The following CLYBL variants were observed in gnomAD, a reference collection of about 807,000 sequenced individuals.
CLYBL encodes citramalyl-CoA lyase, mitochondrial.
A neutral mutation model predicts 38.9 loss-of-function variants in CLYBL; 31 were observed. The ratio of observed to expected loss-of-function variants is 0.80; its 90% confidence interval spans 0.60 to 1.08. The LOEUF (loss-of-function observed/expected upper bound fraction) is 1.08, where lower values mean the gene tolerates loss of function less well. CLYBL is among the 50% of genes least tolerant of loss of function. The probability of loss-of-function intolerance (pLI) is 0.00; values close to 1 mark genes in which losing one functional copy is unlikely to be tolerated. For missense variants in CLYBL, 434 were observed against 411.6 expected (o/e 1.05, Z -0.47); for synonymous variants, 171 against 158.6 (o/e 1.08, Z -0.59).
At chr13:99,607,577 TCTC>T (rs2046547573) in intron 1 of CLYBL, among the ~76,000 whole-genome samples, 1 of 152,072 alleles carries the variant, frequency 6.6e-6, no homozygotes, top group South Asian at 2.1e-4. Context: ...ACATACATGG[TCTC>T]ATTTGGTTCC....
intron 2 of CLYBL, among the ~76,000 whole-genome samples, chr13:99,815,590 A>G (rs2050428887): frequency 6.6e-6 from 1 of 152,164 alleles, no homozygotes; most frequent in Non-Finnish European, 1.5e-5. Context: ...GTCTCTAAAA[A>G]TAAATAAAAA....
At position 99,821,949 on chromosome 13, in the gene CLYBL, C is replaced by A. The variant is rs184298238; in HGVS notation, c.250-36912C>A. The stretch of plus-strand genomic sequence containing the variant: ...TCTGGACTAGGCCACATGGCTTGGC[C>A]AGTGGAACACATGCAGGCTTGCACG... On this transcript the variant is annotated intron_variant, in intron 2 of 8. Coordinates refer to ENST00000339105, the MANE Select transcript of CLYBL (RefSeq NM_206808.5). Among the ~76,000 whole-genome samples, 58 of 152,324 alleles carry A rather than the reference C, an allele frequency of 3.8e-4. No homozygotes were observed. The East Asian group carries it at 0.011, about 28-fold the overall frequency.
At chr13:99,861,724 C>G (rs982099355) in intron 3 of CLYBL, among the ~76,000 whole-genome samples, 3 of 151,930 alleles carry the variant, frequency 2.0e-5, no homozygotes, top group African/African-American at 7.3e-5. Flanking sequence ...TTTATTTTAG[C>G]CTAATTGTAA....
intron 2 of CLYBL, among the ~76,000 whole-genome samples, chr13:99,800,907 C>A (rs150237300): frequency 0.18 from 25,483 of 138,406 alleles, 3,242 homozygotes; most frequent in East Asian, 0.38. Context: ...AAAAAAAAAA[C>A]AAAAAAAAAA....
intron 2 of CLYBL, among the ~76,000 whole-genome samples, chr13:99,804,478 T>C (rs79499162): frequency 5.9e-5 from 9 of 152,328 alleles, no homozygotes; most frequent in East Asian, 1.9e-4. Context: ...TGTTTTTTTT[T>C]CCATGCTCCC....
intron 7 of CLYBL, among the ~76,000 whole-genome samples, chr13:99,886,764 G>T (rs1367347532): frequency 1.3e-5 from 2 of 152,246 alleles, no homozygotes; most frequent in African/African-American, 4.8e-5. Context: ...CAGGCCCTCA[G>T]ATCGTCCCTG....
intron 1 of CLYBL, among the ~76,000 whole-genome samples, chr13:99,732,831 G>T (rs570212926): frequency 6.6e-6 from 1 of 152,120 alleles, no homozygotes; most frequent in Non-Finnish European, 1.5e-5. Flanking sequence ...AAATACATCC[G>T]CTTTCTTTGA....
At chr13:99,842,029 G>C (rs982831070) in intron 2 of CLYBL, among the ~76,000 whole-genome samples, 1 of 151,854 alleles carries the variant, frequency 6.6e-6, no homozygotes, top group Admixed American at 6.6e-5. Context: ...TGTTGACCAG[G>C]CTGGTCTCCA....
intron 1 of CLYBL, among the ~76,000 whole-genome samples, chr13:99,699,698 A>T (rs553555742): frequency 1.4e-5 from 2 of 141,588 alleles, no homozygotes; most frequent in African/African-American, 2.6e-5. Flanking sequence ...GTCTCAAAAA[A>T]AAAAATAAAA....
chr13:99,783,024 G>T (rs2049692782), intron 2 of CLYBL, among the ~76,000 whole-genome samples: 1 of 151,404 alleles, frequency 6.6e-6, no homozygotes, highest in Non-Finnish European at 1.5e-5. Flanking sequence ...ATCCTCTGAG[G>T]TTTTTTGTTT....
Position 99,909,424 on chromosome 13 carries a change from A to G in CLYBL, c.*1530A>G, listed in dbSNP as rs147317743. 5.8e-4 allele frequency among the ~76,000 whole-genome samples: 88 copies of G among 152,312 alleles called. No homozygotes were observed. In the East Asian group the frequency reaches 0.015, roughly 26 times the overall value. ...AATGTAAAATACATGAAACAAATAA[A>G]TATTTCCTGTGTCCTCTGAACTTTA... On this transcript the variant is annotated 3_prime_UTR_variant and NMD_transcript_variant, in exon 10 of 10. Transcript: ENST00000689673.
chr13:99,641,648 C>CAAAAA (rs35893746), intron 1 of CLYBL, among the ~76,000 whole-genome samples: 1 of 143,766 alleles, frequency 7.0e-6, no homozygotes, highest in Non-Finnish European at 1.5e-5. Flanking sequence ...ACTAAAAATA[C>CAAAAA]AAAAAAAAAA....
chr13:99,876,744 A>G (rs948109511), intron 7 of CLYBL, among the ~76,000 whole-genome samples: 5 of 152,172 alleles, frequency 3.3e-5, no homozygotes, highest in African/African-American at 1.2e-4. Context: ...AGCAGAATTC[A>G]GGGCTTAGTT....
intron 1 of CLYBL, among the ~76,000 whole-genome samples, chr13:99,755,589 G>A (rs2049047992): frequency 6.6e-6 from 1 of 152,208 alleles, no homozygotes; most frequent in South Asian, 2.1e-4. Flanking sequence ...CAAAGGGTCA[G>A]TCGAAACTTC....
intron 2 of CLYBL, among the ~76,000 whole-genome samples, chr13:99,796,322 A>C (rs945112787): frequency 6.6e-6 from 1 of 152,100 alleles, no homozygotes; most frequent in Non-Finnish European, 1.5e-5. Context: ...ATTTTGGCCC[A>C]TTCCTAAACT....
chr13:99,714,477 T>C (rs2048282679), intron 1 of CLYBL, among the ~76,000 whole-genome samples: 1 of 149,214 alleles, frequency 6.7e-6, no homozygotes, highest in Admixed American at 6.7e-5. Flanking sequence ...ATTAGCTTGG[T>C]GTGGTGGCAC....
At chr13:99,879,542 T>A (rs1298228714) in intron 7 of CLYBL, among the ~76,000 whole-genome samples, 1 of 152,224 alleles carries the variant, frequency 6.6e-6, no homozygotes, top group Admixed American at 6.5e-5. Flanking sequence ...CTAAGTTTTT[T>A]AATTTTTCTA....
At chr13:99,724,888 C>T (rs993389237) in intron 1 of CLYBL, among the ~76,000 whole-genome samples, 8 of 152,216 alleles carry the variant, frequency 5.3e-5, no homozygotes, top group South Asian at 2.1e-4. Context: ...TCGTTGGGGT[C>T]ACTTGCCACC....
intron 1 of CLYBL, among the ~76,000 whole-genome samples, chr13:99,640,427 A>G (rs2047076946): frequency 6.6e-6 from 1 of 152,222 alleles, no homozygotes; most frequent in African/African-American, 2.4e-5. Context: ...ATTTAAATCT[A>G]TATTTACTAG....
Sources: gnomAD v4.1 joint callset for allele counts (sites outside exome capture counted in the v4.1 genomes callset) on GRCh38, gnomAD v4.1.1 for gene constraint, MANE v1.5 for transcripts, NCBI Gene and HGNC (gene_info 2026-07-23, HGNC 2026-07-21) for gene names.